CENPI: variants seen among roughly 807,000 people sequenced by gnomAD.
CENPI encodes the protein FSH primary response 1.
In CENPI, 4 loss-of-function variants were observed where a neutral mutation model predicts 60.4. That is an observed-to-expected ratio of 0.07 (90% CI 0.03 to 0.15). The LOEUF (loss-of-function observed/expected upper bound fraction) is 0.15, where lower values mean the gene tolerates loss of function less well. Among genes scored for constraint, CENPI ranks in the 10% least tolerant of loss-of-function variants. The pLI, the probability that CENPI is intolerant of heterozygous loss-of-function variation, is 1.00. For synonymous variants in CENPI, 157 were observed against 189.4 expected, an observed-to-expected ratio of 0.83 and a Z score of 1.40; for missense variants, 444 against 534.5, an observed-to-expected ratio of 0.83 and a Z score of 1.67.
At chrX:101,172,868 T>C in the CENPI span, among the ~76,000 whole-genome samples, 2 of 111,290 alleles carry the variant, frequency 1.8e-5, no homozygotes, top group African/African-American at 6.5e-5. Flanking sequence ...AATTGTATAA[T>C]AATACATTTA....
At chrX:101,175,042 G>A in the CENPI span, among the ~76,000 whole-genome samples, 2 of 111,623 alleles carry the variant, frequency 1.8e-5, no homozygotes, top group Admixed American at 9.5e-5. Flanking sequence ...AGGAGGTGGA[G>A]GTTGCGGTGA....
rs59141949 is a variant in CENPI at position 101,102,428 on chromosome X, CT to C, written c.364+26del. 0.45 allele frequency: 495,452 copies of C among 1,095,947 alleles called. 79,957 individuals carry two copies. Among genetic ancestry groups the C allele is most frequent in the Middle Eastern group, 0.51 (1,644 of 3,243 alleles). 90.3% of individuals were successfully genotyped at this position (1,095,947 alleles called of 1,213,427 possible). A position where few individuals can be genotyped will look rare whatever the true frequency, so the allele number is the denominator to read the frequency against. ...GCAAATTTGGTATGTTGAGGAAATG[CT>C]TTTTTTTTCTTTTAACTCACCTAGC... is the stretch of plus-strand genomic sequence containing the variant. On this transcript the variant is annotated intron_variant, in intron 4 of 21. Transcript: ENST00000682095.
intron 6 of CENPI, among the ~76,000 whole-genome samples, chrX:101,115,577 T>C (rs2089612980): frequency 9.0e-6 from 1 of 111,453 alleles, no homozygotes; most frequent in Admixed American, 9.6e-5. Context: ...TTGCCCAGGC[T>C]GGCCTTGATT....
intron 6 of CENPI, among the ~76,000 whole-genome samples, chrX:101,115,347 C>G (rs999241834): frequency 9.2e-6 from 1 of 108,918 alleles, no homozygotes; most frequent in Non-Finnish European, 1.9e-5. Flanking sequence ...TGCAGTGGCA[C>G]TATCATGGCT....
At chrX:101,173,667 C>T in the CENPI span, among the ~76,000 whole-genome samples, 1 of 110,827 alleles carries the variant, frequency 9.0e-6, no homozygotes, top group Non-Finnish European at 1.9e-5. Context: ...CCATTATGAA[C>T]ACCTCTATGC....
At chrX:101,147,632 G>A in intron 18 of CENPI, 131 bp from the exon 19 acceptor site, 1 of 507,796 alleles carries the variant, frequency 2.0e-6, no homozygotes, top group Non-Finnish European at 3.2e-6. Context: ...CTAGACAACT[G>A]GATATTTGTG....
chrX:101,129,974 T>G lies in CENPI; in HGVS notation c.1196-8T>G. The stretch of plus-strand genomic sequence containing the variant: ...ACTAGATGCTTATATTTACTGTTTC[T>G]GCTCTAGAATGTATTTGGTACAAGG... On this transcript the variant is annotated splice_region_variant and splice_polypyrimidine_tract_variant and intron_variant, in intron 12 of 21. Coordinates refer to ENST00000682095, the MANE Select transcript of CENPI (RefSeq NM_001386188.2). 8.8e-7 allele frequency: 1 copy of G among 1,135,934 alleles called. No homozygotes were observed. The highest frequency in any genetic ancestry group is 1.2e-6 in the Non-Finnish European group (1 of 828,560). The allele number at this position is 1,135,934 out of a possible 1,213,427, so 93.6% of individuals were successfully genotyped here.
At chrX:101,108,268 G>T (rs1261794865) in intron 4 of CENPI, among the ~76,000 whole-genome samples, 1 of 110,527 alleles carries the variant, frequency 9.0e-6, no homozygotes, top group East Asian at 2.8e-4. Flanking sequence ...AGAGATTGGG[G>T]TCTCACTATA....
At chrX:101,135,724 T>C (rs2089840074) in intron 15 of CENPI, among the ~76,000 whole-genome samples, 1 of 111,840 alleles carries the variant, frequency 8.9e-6, no homozygotes, top group Admixed American at 9.5e-5. Context: ...TTGTATATTA[T>C]GGTTTTTTTT....
downstream of CENPI, among the ~76,000 whole-genome samples, chrX:101,169,457 G>A (rs2090151711): frequency 1.8e-5 from 2 of 111,868 alleles, no homozygotes; most frequent in Non-Finnish European, 3.8e-5. Context: ...ATAGTGCAAC[G>A]TGTTACATGT....
intron 4 of CENPI, among the ~76,000 whole-genome samples, chrX:101,106,452 T>C (rs1321113044): frequency 2.8e-5 from 3 of 107,148 alleles, no homozygotes; most frequent in African/African-American, 1.0e-4. Flanking sequence ...GTTTTGCTCT[T>C]GTCACCCAGG....
the CENPI span, among the ~76,000 whole-genome samples, chrX:101,180,848 C>A: frequency 9.0e-6 from 1 of 111,683 alleles, no homozygotes; most frequent in Admixed American, 9.5e-5. Flanking sequence ...CTCACTGCAG[C>A]CTTGCTCTCT....
At chrX:101,135,726 G>T (rs958705187) in intron 15 of CENPI, among the ~76,000 whole-genome samples, 5 of 108,514 alleles carry the variant, frequency 4.6e-5, no homozygotes, top group African/African-American at 1.7e-4. Flanking sequence ...GTATATTATG[G>T]TTTTTTTTTT....
At chrX:101,159,164 A>G (rs1213502971) in intron 20 of CENPI, among the ~76,000 whole-genome samples, 1 of 109,863 alleles carries the variant, frequency 9.1e-6, no homozygotes, top group African/African-American at 3.3e-5. Context: ...GGAATGAGAA[A>G]ATGACCCTTT....
chrX:101,114,430 A>T (rs1355013525), intron 6 of CENPI, among the ~76,000 whole-genome samples: 1 of 111,653 alleles, frequency 9.0e-6, no homozygotes, highest in African/African-American at 3.3e-5. Flanking sequence ...CCTCAAAAAG[A>T]AAAAAAGAAA....
chrX:101,106,037 G>A (rs1436824338), intron 4 of CENPI, among the ~76,000 whole-genome samples: 1 of 110,549 alleles, frequency 9.0e-6, no homozygotes, highest in Non-Finnish European at 1.9e-5. Context: ...CATATTTAGA[G>A]GCAGGTATGG....
chrX:101,114,888 G>A (rs755660132), intron 6 of CENPI, among the ~76,000 whole-genome samples: 3 of 109,993 alleles, frequency 2.7e-5, no homozygotes, highest in Non-Finnish European at 5.7e-5. Context: ...TGATTCGCCT[G>A]CCTCGGCCTC....
At chrX:101,109,792 C>A in intron 5 of CENPI, 99 bp from the exon 6 acceptor site, 1 of 625,987 alleles carries the variant, frequency 1.6e-6, no homozygotes, top group Non-Finnish European at 2.5e-6. Context: ...GTGCCTGAAG[C>A]TTCTAAAATA....
chrX:101,122,463 T>C (rs1319766839), intron 8 of CENPI, among the ~76,000 whole-genome samples: 1 of 112,312 alleles, frequency 8.9e-6, no homozygotes, highest in Non-Finnish European at 1.9e-5. Context: ...AAGATATTAA[T>C]GGTAATATTT....
Sources: gnomAD v4.1 joint callset for allele counts (sites outside exome capture counted in the v4.1 genomes callset) on GRCh38, gnomAD v4.1.1 for gene constraint, MANE v1.5 for transcripts, NCBI Gene and HGNC (gene_info 2026-07-23, HGNC 2026-07-21) for gene names.